Variants in CLCN6 observed in about 807,000 individuals in gnomAD.
CLCN6 encodes the protein Cl-/H+ antiporter 6.
In CLCN6, 70 loss-of-function variants were observed where a neutral mutation model predicts 109.8. The observed-to-expected ratio is 0.64, with a 90% CI of 0.53 to 0.78. CLCN6 has a LOEUF of 0.78. Ranked by LOEUF, CLCN6 falls within the 30% of genes least tolerant of loss-of-function variation. The pLI is 0.00. For missense variants in CLCN6, 984 were observed against 1,142.3 expected, an observed-to-expected ratio of 0.86 and a Z score of 2.00; for synonymous variants, 444 against 447.8, an observed-to-expected ratio of 0.99 and a Z score of 0.11.
chr1:11,806,772 GA>G (rs1364702216), intron 1 of CLCN6: 1 of 354,320 alleles, frequency 2.8e-6, no homozygotes, highest in African/African-American at 2.1e-5. Context: ...AGCATCCTGG[GA>G]AAACTTGAGT....
chr1:11,829,303 A>G lies in CLCN6; in HGVS notation c.1229A>G (p.Asn410Ser), dbSNP rs371787491. Residue 410 changes from asparagine to serine, a missense_variant, in exon 13 of 23, where the codon AAT (asparagine) becomes AGT (serine). Asn to Ser is a conservative substitution (Grantham distance 46). Transcript: ENST00000346436. ...RQMSSSSQIGNDSFQLQVTED... is the reference protein window; with the variant it reads ...RQMSSSSQIGSDSFQLQVTED... ...ATGTCCTCTTCGAGTCAAATCGGTA[A>G]TGACTCATTCCAGCTCCAGGTAACC... The G allele has an allele frequency of 1.2e-5, 19 of 1,614,106 alleles. No individual in the cohort carries two copies. Among genetic ancestry groups the G allele is most frequent in the Non-Finnish European group, 1.4e-5 (16 of 1,179,976 alleles).
chr1:11,822,084 T>C (rs1245621857), intron 5 of CLCN6, among the ~76,000 whole-genome samples: 1 of 152,094 alleles, frequency 6.6e-6, no homozygotes, highest in Non-Finnish European at 1.5e-5. Flanking sequence ...AACTGTTTTT[T>C]TTTTTGTTTT....
rs764724460 is a variant in CLCN6, at chr1:11,837,165, C to G, written c.2138+9C>G. 1.9e-6 allele frequency: 3 copies of G among 1,611,450 alleles called. No homozygotes were observed. The highest frequency in any genetic ancestry group is 2.5e-6 in the Non-Finnish European group (3 of 1,179,630). On this transcript the variant is annotated intron_variant, in intron 19 of 22. Transcript: ENST00000346436. ...CAGATGCTGGAAAGGAGGTGAGAGC[C>G]TGGCGGGGCCCCCACTGCCCGCAGG...
chr1:11,825,390 G>T (rs1037180317), intron 8 of CLCN6, among the ~76,000 whole-genome samples: 1 of 152,246 alleles, frequency 6.6e-6, no homozygotes, highest in Non-Finnish European at 1.5e-5. Context: ...ACCTTTGTGG[G>T]GCAGACAGAG....
Position 11,815,879 on chromosome 1 carries a change from T to G in CLCN6, c.181T>G (p.Tyr61Asp), listed in dbSNP as rs771261242. 1 of 1,613,976 alleles carries G rather than the reference T, an allele frequency of 6.2e-7. No individual in the cohort carries two copies. The highest frequency in any genetic ancestry group is 8.5e-7 in the Non-Finnish European group (1 of 1,179,804). ...TTATGATCGCTGTATCAATGACCCT[T>G]ACCTGGAAGTTTTGGAGACCATGGA... ...LDYDRCINDPYLEVLETMDNK... is the reference protein window; with the variant it reads ...LDYDRCINDPDLEVLETMDNK... Residue 61 changes from tyrosine (Y) to aspartate (D), a missense_variant, in exon 3 of 23, where the codon TAC becomes GAC. Physicochemically the swap from Tyr to Asp is radical, Grantham distance 160. Coordinates refer to ENST00000346436, the MANE Select transcript of CLCN6 (RefSeq NM_001286.5).
chr1:11,833,989 T>A lies in CLCN6; in HGVS notation c.1485T>A (p.Cys495Ter). ...GCCTTTTTGTGCCTTCTCTGCTGTG[T>A]GGAGCTGCTTTTGGACGTTTAGTTG... is the stretch of plus-strand genomic sequence containing the variant. ...PSGLFVPSLLCGAAFGRLVAN... is the reference protein window; with the variant it reads ...PSGLFVPSLL Residue 495 changes from cysteine (C) to a stop codon, truncating the protein, a stop_gained, in exon 15 of 23, where the codon TGT becomes TGA. Transcript: ENST00000346436. LOFTEE classifies it high-confidence loss of function. 1 of 1,614,228 alleles carries A rather than the reference T, an allele frequency of 6.2e-7. No homozygotes were observed. The highest frequency in any genetic ancestry group is 8.5e-7 in the Non-Finnish European group (1 of 1,180,046).
chr1:11,825,430 G>A (rs560862083), intron 8 of CLCN6, among the ~76,000 whole-genome samples: 4 of 152,208 alleles, frequency 2.6e-5, no homozygotes, highest in African/African-American at 9.7e-5. Flanking sequence ...TCTTCCTGGC[G>A]CTGCTGAGCA....
chr1:11,824,695 C>T (rs1644789931), intron 8 of CLCN6, 142 bp downstream of exon 8: 1 of 543,350 alleles, frequency 1.8e-6, no homozygotes, highest in Non-Finnish European at 3.1e-6. Flanking sequence ...ATGTGTCTAT[C>T]TCTCAGGAAA....
Position 11,822,085 on chromosome 1 carries a change from T to TG in CLCN6, c.347-610_347-609insG, listed in dbSNP as rs566380751. Among the ~76,000 whole-genome samples the TG allele has an allele frequency of 3.0e-3, 450 of 152,150 alleles. 14 individuals are homozygous for TG. The South Asian group carries it at 0.058, about 20-fold the overall frequency. Reference sequence around the variant, plus strand: ...GAGAGAGGAAGGAAAACTGTTTTTTTTTTTGTTTTGTTTTGTTTCTTAAAA... The same window carrying TG: ...GAGAGAGGAAGGAAAACTGTTTTTTTGTTTTGTTTTGTTTTGTTTCTTAAAA... On this transcript the variant is annotated intron_variant, in intron 5 of 22. Coordinates refer to ENST00000346436, the MANE Select transcript of CLCN6 (RefSeq NM_001286.5).
At chr1:11,822,051 C>T (rs1436228956) in intron 5 of CLCN6, among the ~76,000 whole-genome samples, 1 of 151,746 alleles carries the variant, frequency 6.6e-6, no homozygotes, top group African/African-American at 2.4e-5. Flanking sequence ...TTAGTGGTTT[C>T]TCCCAGGGGA....
rs1180304478 is a variant in CLCN6, at chr1:11,834,075, C to T, written c.1526+45C>T. On this transcript the variant is annotated intron_variant, in intron 15 of 22. Transcript: ENST00000346436. The surrounding 1 kb of genome is among the most constrained non-coding windows in gnomAD (Gnocchi z 4.5). ...GTGTGTGCGCATGTGCATGTGTGTGCACGTGTGCGTGTGTATGCATGTGTG... is the reference window on the plus strand; with the variant it reads ...GTGTGTGCGCATGTGCATGTGTGTGTACGTGTGCGTGTGTATGCATGTGTG... The T allele has an allele frequency of 8.1e-6, 13 of 1,604,930 alleles. No homozygotes were observed. Among genetic ancestry groups the T allele is most frequent in the Non-Finnish European group, 1.0e-5 (12 of 1,175,480 alleles).
intron 22 of CLCN6, 107 bp from the exon 23 acceptor site, chr1:11,840,036 C>A: frequency 1.1e-6 from 1 of 901,424 alleles, no homozygotes; most frequent in Non-Finnish European, 1.9e-6. Context: ...TGTGCACTAT[C>A]CAGGCCTCCA....
rs560969189 is a variant in CLCN6, at chr1:11,806,196, C to T, written c.-67C>T. On this transcript the variant is annotated 5_prime_UTR_variant, in exon 1 of 23. It adds an upstream start codon to the 5' untranslated region. Transcript: ENST00000346436. ...CACGTGACCGTCCCGGGGCCAGTCACGTGAGGCGCAGATCCTGGCTGGGAG... is the reference window on the plus strand; with the variant it reads ...CACGTGACCGTCCCGGGGCCAGTCATGTGAGGCGCAGATCCTGGCTGGGAG... 1.3e-4 allele frequency: 168 copies of T among 1,343,854 alleles called. No individual in the cohort carries two copies. Among genetic ancestry groups the T allele is most frequent in the Non-Finnish European group, 1.6e-4 (162 of 1,031,280 alleles). 83.2% of individuals were successfully genotyped at this position (1,343,854 alleles called of 1,614,324 possible). A position where few individuals can be genotyped will look rare whatever the true frequency, so the allele number is the denominator to read the frequency against.
intron 9 of CLCN6, among the ~76,000 whole-genome samples, chr1:11,826,605 A>G (rs1449330725): frequency 1.3e-5 from 2 of 152,174 alleles, no homozygotes; most frequent in East Asian, 3.8e-4. Flanking sequence ...TGTGTGTGTT[A>G]CTGACCTGCC....
chr1:11,832,206 GTGT>G (rs1048900098), intron 13 of CLCN6, among the ~76,000 whole-genome samples: 2 of 152,226 alleles, frequency 1.3e-5, no homozygotes, highest in African/African-American at 2.4e-5. Context: ...GAGAGGGTAG[GTGT>G]TGTTACCATT....
At chr1:11,811,605 C>A (rs963181474) in intron 2 of CLCN6, among the ~76,000 whole-genome samples, 1 of 152,196 alleles carries the variant, frequency 6.6e-6, no homozygotes, top group Non-Finnish European at 1.5e-5. Context: ...TGGTCTTGAA[C>A]TCCTGGCCTC....
rs1264694973 is a variant in CLCN6, at chr1:11,841,345, A to T, written c.*1122A>T. ...CAGGAGGGCCTCCTGTGCCGCAGGG[A>T]GGGTGCGTGGGGAAGATGCTTCCTG... On this transcript the variant is annotated 3_prime_UTR_variant, in exon 23 of 23. Coordinates refer to ENST00000346436, the MANE Select transcript of CLCN6 (RefSeq NM_001286.5). The T allele has an allele frequency of 6.6e-6, 1 of 152,566 alleles. No homozygotes were observed. Among genetic ancestry groups the T allele is most frequent in the Non-Finnish European group, 1.5e-5 (1 of 68,042 alleles). 9.5% of individuals were successfully genotyped at this position (152,566 alleles called of 1,614,324 possible). A position where few individuals can be genotyped will look rare whatever the true frequency, so the allele number is the denominator to read the frequency against.
chr1:11,823,598 C>G, intron 6 of CLCN6, 109 bp from the exon 7 acceptor site: 1 of 1,453,384 alleles, frequency 6.9e-7, no homozygotes, highest in Admixed American at 1.8e-5. Flanking sequence ...GACGCTCACG[C>G]TGCTAATGAA....
chr1:11,822,949 T>C, intron 6 of CLCN6, 148 bp downstream of exon 6: 1 of 609,630 alleles, frequency 1.6e-6, no homozygotes, highest in South Asian at 2.0e-5. Flanking sequence ...AGGTTTCACC[T>C]CTGGTGAGAT....
Sources: allele counts gnomAD v4.1 joint callset (sites outside exome capture counted in the v4.1 genomes callset), GRCh38; gene constraint gnomAD v4.1.1; non-coding constraint Gnocchi (gnomAD v3.1); transcripts MANE v1.5; gene names NCBI Gene and HGNC (gene_info 2026-07-23, HGNC 2026-07-21).